The following KHDC1 variants were observed in gnomAD, a reference collection of about 807,000 sequenced individuals.
KHDC1 encodes the protein KH homology domain-containing protein 1.
KHDC1 carries 21 observed loss-of-function variants against 24.7 expected under a neutral mutation model. The observed-to-expected ratio is 0.85, with a 90% CI of 0.60 to 1.23. The LOEUF is 1.23. Among genes scored for constraint, KHDC1 ranks in the 50% most tolerant of loss-of-function variants. The pLI, the probability that KHDC1 is intolerant of heterozygous loss-of-function variation, is 0.00. For missense variants in KHDC1, 274 were observed against 298.5 expected (o/e 0.92, Z 0.61); for synonymous variants, 98 against 111.7 (o/e 0.88, Z 0.77).
At chr6:73,245,653 T>C (rs1766651771) in intron 2 of KHDC1, among the ~76,000 whole-genome samples, 1 of 152,218 alleles carries the variant, frequency 6.6e-6, no homozygotes, top group Non-Finnish European at 1.5e-5. Flanking sequence ...TTTTTCCTTC[T>C]AATTGTTCTA....
At chr6:73,291,912 C>A in intron 2 of KHDC1, 1 of 1,453,300 alleles carries the variant, frequency 6.9e-7, no homozygotes, top group South Asian at 1.2e-5. Context: ...CCTCCTGAAT[C>A]TATTTTTAAA....
intron 1 of KHDC1, among the ~76,000 whole-genome samples, chr6:73,305,698 C>T (rs1767950243): frequency 6.6e-6 from 1 of 152,152 alleles, no homozygotes; most frequent in South Asian, 2.1e-4. Context: ...CTCACTCTGT[C>T]ACCCAGGCTG....
intron 1 of KHDC1, among the ~76,000 whole-genome samples, chr6:73,296,698 C>T (rs145541495): frequency 6.6e-6 from 1 of 152,262 alleles, no homozygotes; most frequent in African/African-American, 2.4e-5. Flanking sequence ...ATGATAATCT[C>T]ATCAGATCCC....
At chr6:73,290,721 T>C (rs1767634066) in intron 2 of KHDC1, 3 of 401,952 alleles carry the variant, frequency 7.5e-6, no homozygotes, top group Admixed American at 3.0e-5. Flanking sequence ...ACTTCACTTC[T>C]GGAACCTTTG....
At chr6:73,255,771 G>A (rs574588990) in intron 2 of KHDC1, among the ~76,000 whole-genome samples, 1 of 151,392 alleles carries the variant, frequency 6.6e-6, no homozygotes, top group Admixed American at 6.6e-5. Context: ...GCACGGTGGC[G>A]GGCACCTTTC....
At chr6:73,279,575 ATTTTTTTT>A (rs560281126) in intron 2 of KHDC1, among the ~76,000 whole-genome samples, 4 of 98,312 alleles carry the variant, frequency 4.1e-5, no homozygotes, top group African/African-American at 1.1e-4. Flanking sequence ...GGGACCATGG[ATTTTTTTT>A]TTTTTTTTTT....
chr6:73,285,640 CTT>C (rs67918543), intron 2 of KHDC1, among the ~76,000 whole-genome samples: 7,409 of 140,308 alleles, frequency 0.053, 191 homozygotes, highest in South Asian at 0.065. Flanking sequence ...GGCCCATTTT[CTT>C]TTTTTTCTTT....
intron 2 of KHDC1, among the ~76,000 whole-genome samples, chr6:73,253,284 G>GCA (rs1766814381): frequency 6.6e-6 from 1 of 152,092 alleles, no homozygotes; most frequent in African/African-American, 2.4e-5. Flanking sequence ...TGCCGGGTAC[G>GCA]GTGGCTCACG....
At chr6:73,285,409 G>A (rs1422569706) in intron 2 of KHDC1, among the ~76,000 whole-genome samples, 4 of 150,914 alleles carry the variant, frequency 2.7e-5, no homozygotes, top group Admixed American at 6.6e-5. Flanking sequence ...TCAGCTCACT[G>A]CAACCTCTGC....
chr6:73,265,442 T>C (rs1195591205), intron 2 of KHDC1, among the ~76,000 whole-genome samples: 1 of 148,454 alleles, frequency 6.7e-6, no homozygotes, highest in African/African-American at 2.5e-5. Context: ...GGCAGGAGAA[T>C]TGCTAGAACC....
chr6:73,260,289 C>A (rs1281960087), intron 2 of KHDC1, among the ~76,000 whole-genome samples: 2 of 152,156 alleles, frequency 1.3e-5, no homozygotes, highest in African/African-American at 4.8e-5. Context: ...AGGCTCTGGG[C>A]TGGGGAATGT....
chr6:73,293,026 G>A (rs1767684846), intron 1 of KHDC1: 2 of 1,003,658 alleles, frequency 2.0e-6, no homozygotes, highest in South Asian at 2.5e-5. Context: ...AATTGAACAT[G>A]ACTCCAGATG....
chr6:73,310,284 G>C (rs1768057471), upstream of KHDC1: 1 of 154,756 alleles, frequency 6.5e-6, no homozygotes, highest in Non-Finnish European at 1.4e-5. Context: ...CCGTTTCTTC[G>C]ATCCTTTAGA....
At position 73,247,164 on chromosome 6, in the gene KHDC1, G is replaced by T. The variant is rs1041207721; in HGVS notation, c.207-4634C>A. Among the ~76,000 whole-genome samples the T allele has an allele frequency of 2.0e-5, 3 of 151,982 alleles. 1 individual carries two copies. Among genetic ancestry groups the T allele is most frequent in the Non-Finnish European group, 1.5e-5 (1 of 67,970 alleles). ...AGCTAATTTTTGTATTTTTAGTAGA[G>T]ACGGGGTTTCACCATGTCGGCCAGG... On this transcript the variant is annotated intron_variant, in intron 2 of 4. Transcript: ENST00000370384.
chr6:73,241,741 T>G lies in KHDC1; in HGVS notation c.515-13A>C. On this transcript the variant is annotated splice_polypyrimidine_tract_variant and intron_variant, in intron 4 of 4. Coordinates refer to ENST00000370384, the Ensembl canonical transcript of KHDC1. ...AGCATCTCCAGGCCTGCAAAATAAG[T>G]GCCCAGGGCTAATGAACCAGGGCCC... 6.2e-7 allele frequency: 1 copy of G among 1,613,886 alleles called. No homozygotes were observed. Among genetic ancestry groups the G allele is most frequent in the Non-Finnish European group, 8.5e-7 (1 of 1,179,914 alleles).
chr6:73,291,882 G>T, intron 2 of KHDC1: 1 of 1,126,830 alleles, frequency 8.9e-7, no homozygotes, highest in Non-Finnish European at 1.3e-6. Context: ...ATACATTCAT[G>T]TAACAAGCCT....
At chr6:73,245,932 G>C (rs1333457566) in intron 2 of KHDC1, among the ~76,000 whole-genome samples, 1 of 152,176 alleles carries the variant, frequency 6.6e-6, no homozygotes, top group African/African-American at 2.4e-5. Flanking sequence ...TATGGCAACT[G>C]CTTTGGTTAA....
intron 2 of KHDC1, among the ~76,000 whole-genome samples, chr6:73,278,278 A>G (rs778244794): frequency 1.1e-4 from 17 of 151,600 alleles, no homozygotes; most frequent in South Asian, 2.1e-4. Context: ...CGGCCTCCCA[A>G]AATGCTGGGA....
intron 2 of KHDC1, among the ~76,000 whole-genome samples, chr6:73,263,994 T>C (rs1767035031): frequency 6.6e-5 from 10 of 151,706 alleles, no homozygotes. Flanking sequence ...AGCCCAGGAG[T>C]TCGAAACCAG....
Sources: allele counts gnomAD v4.1 joint callset (sites outside exome capture counted in the v4.1 genomes callset), GRCh38; gene constraint gnomAD v4.1.1; transcripts MANE v1.5; gene names NCBI Gene and HGNC (gene_info 2026-07-23, HGNC 2026-07-21).